BFSP2: variants seen among roughly 807,000 people sequenced by gnomAD.
BFSP2 encodes phakinin.
BFSP2 carries 38 observed loss-of-function variants against 44.9 expected under a neutral mutation model. The ratio of observed to expected loss-of-function variants is 0.85; its 90% CI spans 0.65 to 1.11. BFSP2 has a LOEUF of 1.11. Ranked by LOEUF, BFSP2 falls within the 50% of genes least tolerant of loss-of-function variation. The pLI is 0.00. For synonymous variants in BFSP2, 197 were observed against 209.9 expected (o/e 0.94, Z 0.53); for missense variants, 525 against 533.0 (o/e 0.99, Z 0.15).
intron 1 of BFSP2, among the ~76,000 whole-genome samples, chr3:133,413,276 G>T (rs1232623175): frequency 6.6e-6 from 1 of 151,976 alleles, no homozygotes; most frequent in African/African-American, 2.4e-5. Flanking sequence ...GAACTCCACG[G>T]AAGCAAGAGA....
intron 1 of BFSP2, among the ~76,000 whole-genome samples, chr3:133,443,398 T>C (rs2073864187): frequency 6.6e-6 from 1 of 152,116 alleles, no homozygotes; most frequent in African/African-American, 2.4e-5. Context: ...TGAAAAACTT[T>C]AACATTTAGA....
intron 1 of BFSP2, among the ~76,000 whole-genome samples, chr3:133,406,660 A>G (rs2073407304): frequency 6.6e-6 from 1 of 152,188 alleles, no homozygotes; most frequent in African/African-American, 2.4e-5. Context: ...TTCCTTTGAC[A>G]TGATAAAATA....
chr3:133,428,240 G>C (rs72980081), intron 1 of BFSP2, among the ~76,000 whole-genome samples: 8,686 of 152,226 alleles, frequency 0.057, 663 homozygotes, highest in African/African-American at 0.18. Context: ...TAGTATGGAA[G>C]TGCTCCTGGA....
At chr3:133,423,494 C>T (rs1045278470) in intron 1 of BFSP2, among the ~76,000 whole-genome samples, 20 of 151,288 alleles carry the variant, frequency 1.3e-4, no homozygotes, top group African/African-American at 4.1e-4. Flanking sequence ...ACTACACAGC[C>T]CTCTGACATC....
chr3:133,432,435 C>G (rs1249105930), intron 1 of BFSP2, among the ~76,000 whole-genome samples: 1 of 152,308 alleles, frequency 6.6e-6, no homozygotes, highest in Non-Finnish European at 1.5e-5. Context: ...CCTGGACTGA[C>G]GCTGACACCC....
At chr3:133,455,349 CAG>C (rs2074004268) in intron 4 of BFSP2, 1 of 152,228 alleles carries the variant, frequency 6.6e-6, no homozygotes, top group African/African-American at 2.4e-5. Context: ...TTCTCATCTT[CAG>C]AGTTTGTTCG....
intron 1 of BFSP2, among the ~76,000 whole-genome samples, chr3:133,445,881 T>C (rs191223557): frequency 3.5e-4 from 54 of 152,178 alleles, no homozygotes; most frequent in Admixed American, 3.2e-3. Context: ...GCTTTAATTT[T>C]GGAGGGTAGG....
intron 1 of BFSP2, among the ~76,000 whole-genome samples, chr3:133,425,087 C>T (rs373636914): frequency 5.3e-5 from 8 of 152,166 alleles, no homozygotes; most frequent in African/African-American, 1.7e-4. Flanking sequence ...TGCATTGGCC[C>T]TGCCTTCTTC....
At chr3:133,425,762 G>GACGGGAAAGGGAAAGGGA (rs2073638677) in intron 1 of BFSP2, among the ~76,000 whole-genome samples, 2 of 87,914 alleles carry the variant, frequency 2.3e-5, no homozygotes, top group African/African-American at 1.5e-4. Context: ...AGGACAAAGG[G>GACGGGAAAGGGAAAGGGA]ATGGGAAAGG....
chr3:133,446,385 C>T (rs2073897098), intron 1 of BFSP2, among the ~76,000 whole-genome samples: 1 of 151,380 alleles, frequency 6.6e-6, no homozygotes, highest in African/African-American at 2.4e-5. Flanking sequence ...TGTGCCACTG[C>T]ACTCCAGCCT....
intron 1 of BFSP2, chr3:133,410,726 G>T: frequency 4.0e-6 from 1 of 248,434 alleles, no homozygotes. Context: ...TGGAACCAGA[G>T]CTGTCCTCTG....
chr3:133,447,483 A>G (rs2073914315), intron 2 of BFSP2, 84 bp downstream of exon 2: 4 of 1,370,254 alleles, frequency 2.9e-6, no homozygotes, highest in Admixed American at 3.9e-5. Flanking sequence ...TGGAGCCTGC[A>G]TCATCCACCT....
chr3:133,440,230 ATT>A (rs2073831930), intron 1 of BFSP2, among the ~76,000 whole-genome samples: 1 of 1,846 alleles, frequency 5.4e-4, no homozygotes, highest in Non-Finnish European at 3.6e-3. Flanking sequence ...TACCCCCATG[ATT>A]CAATGATTCA....
intron 1 of BFSP2, among the ~76,000 whole-genome samples, chr3:133,438,296 G>A (rs2073810471): frequency 6.6e-6 from 1 of 152,246 alleles, no homozygotes; most frequent in African/African-American, 2.4e-5. Flanking sequence ...GGAGGCCAAG[G>A]CAGGCGGATC....
intron 1 of BFSP2, among the ~76,000 whole-genome samples, chr3:133,436,044 G>C (rs1273858106): frequency 6.6e-6 from 1 of 152,094 alleles, no homozygotes; most frequent in Non-Finnish European, 1.5e-5. Context: ...TAAGAACTTA[G>C]TATGAGTTTA....
chr3:133,443,887 CT>C (rs929354765), intron 1 of BFSP2, among the ~76,000 whole-genome samples: 2 of 151,994 alleles, frequency 1.3e-5, no homozygotes, highest in Non-Finnish European at 2.9e-5. Context: ...AAATGATAAC[CT>C]TTTTTAAAAC....
intron 4 of BFSP2, among the ~76,000 whole-genome samples, chr3:133,452,435 T>A (rs1200105813): frequency 6.6e-6 from 1 of 152,204 alleles, no homozygotes; most frequent in Admixed American, 6.5e-5. Flanking sequence ...TAGAGCCTAG[T>A]TATTCAAAAA....
chr3:133,445,188 G>A (rs1338493014), intron 1 of BFSP2, among the ~76,000 whole-genome samples: 1 of 152,236 alleles, frequency 6.6e-6, no homozygotes, highest in African/African-American at 2.4e-5. Context: ...TACTGGAGCA[G>A]GCTTTCTCAG....
intron 1 of BFSP2, among the ~76,000 whole-genome samples, chr3:133,440,968 C>T (rs1356164256): frequency 6.6e-6 from 1 of 151,898 alleles, no homozygotes; most frequent in East Asian, 1.9e-4. Flanking sequence ...TGTGAGTGAA[C>T]TGTCTCAAGA....
Sources: allele counts gnomAD v4.1 joint callset (sites outside exome capture counted in the v4.1 genomes callset), GRCh38; gene constraint gnomAD v4.1.1; transcripts MANE v1.5; gene names NCBI Gene and HGNC (gene_info 2026-07-23, HGNC 2026-07-21).